The following ANKRD28 variants were observed in gnomAD, a reference collection of about 807,000 sequenced individuals.
ANKRD28 encodes the protein ankyrin repeat domain 28, also known as serine/threonine-protein phosphatase 6 regulatory ankyrin repeat subunit A.
In ANKRD28, 44 loss-of-function variants were observed where a neutral mutation model predicts 126.5. That is an observed-to-expected ratio of 0.35 (90% CI 0.27 to 0.45). The LOEUF is 0.45. Ranked by LOEUF, ANKRD28 falls within the 20% of genes least tolerant of loss-of-function variation. ANKRD28 has a pLI of 1.00. For synonymous variants in ANKRD28, 442 were observed against 468.5 expected (o/e 0.94, Z 0.73); for missense variants, 1,110 against 1,316.6 (o/e 0.84, Z 2.43).
At chr3:15,726,325 A>C (rs551259449) in intron 6 of ANKRD28, among the ~76,000 whole-genome samples, 172 of 150,558 alleles carry the variant, frequency 1.1e-3, no homozygotes, top group Middle Eastern at 3.4e-3. Flanking sequence ...TAGTGAATGC[A>C]AAAGAAAAAT....
rs550392074 is a variant in ANKRD28 at position 15,747,253 on chromosome 3, T to C, written c.351+4497A>G. On this transcript the variant is annotated intron_variant, in intron 4 of 27. Coordinates refer to ENST00000683139, the MANE Select transcript of ANKRD28 (RefSeq NM_001349278.2). Reference sequence around the variant, plus strand: ...TCTGCTGGGTTTGGGTTTGGGTGGTTCTTGTTTCTCCAGTTCTGTGAGGTA... The same window carrying C: ...TCTGCTGGGTTTGGGTTTGGGTGGTCCTTGTTTCTCCAGTTCTGTGAGGTA... 1.5e-4 allele frequency among the ~76,000 whole-genome samples: 23 copies of C among 152,014 alleles called. No homozygotes were observed. In the South Asian group the frequency reaches 4.2e-3, roughly 28 times the overall value.
chr3:15,823,960 G>A (rs2061002723), intron 1 of ANKRD28, among the ~76,000 whole-genome samples: 1 of 152,138 alleles, frequency 6.6e-6, no homozygotes, highest in Non-Finnish European at 1.5e-5. Context: ...TCACAGTTAA[G>A]GGTGAAAAAC....
intron 2 of ANKRD28, among the ~76,000 whole-genome samples, chr3:15,788,958 A>G (rs1445827512): frequency 6.6e-6 from 1 of 152,168 alleles, no homozygotes; most frequent in Non-Finnish European, 1.5e-5. Flanking sequence ...CTCAACTTGT[A>G]TAGCCAATAA....
At position 15,827,150 on chromosome 3, in the gene ANKRD28, C is replaced by T. The variant is rs957506820; in HGVS notation, c.28-31844G>A. 2.6e-5 allele frequency among the ~76,000 whole-genome samples: 4 copies of T among 152,018 alleles called. No homozygotes were observed. The East Asian group carries it at 7.7e-4, about 29-fold the overall frequency. ...GCAAAGATGTGGAGAAAAGAGAACC[C>T]CTACCCACTGTTGGGGAGGAATGTA... On this transcript the variant is annotated intron_variant, in intron 1 of 27. Coordinates refer to the ANKRD28 transcript ENST00000399451.
chr3:15,677,671 A>G, intron 24 of ANKRD28, 109 bp from the exon 25 acceptor site: 1 of 664,804 alleles, frequency 1.5e-6, no homozygotes, highest in South Asian at 2.2e-5. Flanking sequence ...CCCTCTCACA[A>G]AAACTTAAGT....
At chr3:15,829,579 T>C (rs1168438193) in intron 1 of ANKRD28, among the ~76,000 whole-genome samples, 1 of 152,200 alleles carries the variant, frequency 6.6e-6, no homozygotes, top group Admixed American at 6.5e-5. Flanking sequence ...ATATCATATA[T>C]CAGTAATTTG....
At chr3:15,711,366 C>A in intron 11 of ANKRD28, 92 bp from the exon 12 acceptor site, 1 of 1,091,906 alleles carries the variant, frequency 9.2e-7, no homozygotes, top group East Asian at 2.5e-5. Flanking sequence ...ATCCTCCCCT[C>A]CAATCCCAAA....
intron 14 of ANKRD28, 27 bp downstream of exon 14, chr3:15,707,897 C>T (rs1447204484): frequency 1.3e-6 from 2 of 1,589,254 alleles, no homozygotes; most frequent in Non-Finnish European, 1.7e-6. Context: ...AATATTGATC[C>T]TCCACTCTCA....
rs2060214244 is a variant in ANKRD28, at chr3:15,795,082, T to C, written c.201+141A>G. 8 of 618,532 alleles carry C rather than the reference T, an allele frequency of 1.3e-5. No homozygotes were observed. The South Asian group carries it at 1.4e-4, about 11-fold the overall frequency. The allele number at this position is 618,532 out of a possible 1,614,324, so 38.3% of individuals were successfully genotyped here. A position where few individuals can be genotyped will look rare whatever the true frequency, so the allele number is the denominator to read the frequency against. Reference sequence around the variant, plus strand: ...CTGAGTATATGTCCAGTGTTTTCCCTTTTGCCTCAATACCTTCCTGCCCTC... The same window carrying C: ...CTGAGTATATGTCCAGTGTTTTCCCCTTTGCCTCAATACCTTCCTGCCCTC... On this transcript the variant is annotated intron_variant, in intron 2 of 27. Coordinates refer to ENST00000683139, the MANE Select transcript of ANKRD28 (RefSeq NM_001349278.2).
rs535149990 is a variant in ANKRD28, at chr3:15,767,416, T to C, written c.202-1104A>G. ...GTTTTCCACTATGTTCTTCCTTTTG[T>C]CCACAGGAATAAAATTTTAGCTGGT... On this transcript the variant is annotated intron_variant, in intron 2 of 27. Coordinates refer to ENST00000683139, the MANE Select transcript of ANKRD28 (RefSeq NM_001349278.2). Among the ~76,000 whole-genome samples the C allele has an allele frequency of 6.6e-5, 10 of 152,316 alleles. No homozygotes were observed. The East Asian group carries it at 1.9e-3, about 29-fold the overall frequency.
At chr3:15,762,204 AAAAAAAAAACAAAAC>A (rs1559489006) in intron 3 of ANKRD28, among the ~76,000 whole-genome samples, 4 of 34,548 alleles carry the variant, frequency 1.2e-4, no homozygotes, top group African/African-American at 2.4e-4. Flanking sequence ...AAAAAAAAAA[AAAAAAAAAACAAAAC>A]AAAAAAAAAA....
chr3:15,694,041 A>G (rs886833442), intron 17 of ANKRD28, among the ~76,000 whole-genome samples: 1 of 152,144 alleles, frequency 6.6e-6, no homozygotes, highest in East Asian at 1.9e-4. Flanking sequence ...TGGTCTCCTG[A>G]TTCTCAAAGT....
intron 2 of ANKRD28, among the ~76,000 whole-genome samples, chr3:15,781,136 T>C (rs2059520281): frequency 6.6e-6 from 1 of 151,986 alleles, no homozygotes; most frequent in Non-Finnish European, 1.5e-5. Context: ...AAACCGTATA[T>C]TTGATAAAGA....
chr3:15,681,378 G>A (rs7637500), intron 21 of ANKRD28, among the ~76,000 whole-genome samples: 3,601 of 152,146 alleles, frequency 0.024, 150 homozygotes, highest in African/African-American at 0.082. Context: ...ATCAATATCT[G>A]GTCCATAGTT....
At chr3:15,702,159 C>G (rs1338433531) in intron 14 of ANKRD28, among the ~76,000 whole-genome samples, 1 of 152,140 alleles carries the variant, frequency 6.6e-6, no homozygotes, top group Non-Finnish European at 1.5e-5. Flanking sequence ...TGACTTTTCC[C>G]AAATCCTTTT....
chr3:15,771,017 A>C (rs2058974770), intron 2 of ANKRD28, among the ~76,000 whole-genome samples: 1 of 152,334 alleles, frequency 6.6e-6, no homozygotes, highest in African/African-American at 2.4e-5. Context: ...TGAACATTGT[A>C]TCAGTCTGTT....
chr3:15,667,487 G>A lies in ANKRD28; in HGVS notation c.*2783C>T, dbSNP rs1410655337. The A allele has an allele frequency of 6.6e-6, 1 of 152,178 alleles. No individual in the cohort carries two copies. Among genetic ancestry groups the A allele is most frequent in the African/African-American group, 2.4e-5 (1 of 41,442 alleles). The allele number at this position is 152,178 out of a possible 1,614,324, so 9.4% of individuals were successfully genotyped here. On this transcript the variant is annotated 3_prime_UTR_variant, in exon 28 of 28. Transcript: ENST00000683139. Reference sequence around the variant, plus strand: ...TGTATAAGTTAAATAAAGCAAACAGGCTTTTCTACTCTGTGTGAGGATAAG... The same window carrying A: ...TGTATAAGTTAAATAAAGCAAACAGACTTTTCTACTCTGTGTGAGGATAAG...
chr3:15,743,240 C>T (rs551839690), intron 4 of ANKRD28, among the ~76,000 whole-genome samples: 2 of 152,188 alleles, frequency 1.3e-5, no homozygotes, highest in African/African-American at 4.8e-5. Context: ...AAACACTCTG[C>T]CTAGGAAAAC....
At chr3:15,704,067 A>G (rs930540359) in intron 14 of ANKRD28, among the ~76,000 whole-genome samples, 1 of 152,180 alleles carries the variant, frequency 6.6e-6, no homozygotes, top group Non-Finnish European at 1.5e-5. Context: ...GAAGACCCAC[A>G]TGACATCCTG....
Sources: gnomAD v4.1 joint callset for allele counts (sites outside exome capture counted in the v4.1 genomes callset) on GRCh38, gnomAD v4.1.1 for gene constraint, MANE v1.5 for transcripts, NCBI Gene and HGNC (gene_info 2026-07-23, HGNC 2026-07-21) for gene names.